Variants in SPAG17 observed in about 807,000 individuals in gnomAD.
SPAG17 encodes sperm associated antigen 17.
In SPAG17, 169 loss-of-function variants were observed where a neutral mutation model predicts 273.6. That is an observed-to-expected ratio of 0.62 (90% confidence interval 0.55 to 0.70). SPAG17 has a LOEUF of 0.70. Among genes scored for constraint, SPAG17 ranks in the 30% least tolerant of loss-of-function variants. The pLI, the probability that SPAG17 is intolerant of heterozygous loss-of-function variation, is 0.00. For synonymous variants in SPAG17, 825 were observed against 873.2 expected, an observed-to-expected ratio of 0.94 and a Z score of 0.97; for missense variants, 2,557 against 2,627.8, an observed-to-expected ratio of 0.97 and a Z score of 0.59.
intron 1 of SPAG17, among the ~76,000 whole-genome samples, chr1:118,173,799 G>A (rs1660535778): frequency 6.6e-6 from 1 of 150,474 alleles, no homozygotes; most frequent in South Asian, 2.1e-4. Flanking sequence ...GGTCAAGGCT[G>A]CAGTGAGCCA....
At chr1:118,144,671 G>T (rs1658873309) in intron 3 of SPAG17, among the ~76,000 whole-genome samples, 1 of 152,196 alleles carries the variant, frequency 6.6e-6, no homozygotes, top group African/African-American at 2.4e-5. Context: ...CCGAGGCCCT[G>T]GTGTGGGCCA....
chr1:118,142,700 C>T (rs1365950731), intron 3 of SPAG17, among the ~76,000 whole-genome samples: 5 of 152,030 alleles, frequency 3.3e-5, no homozygotes, highest in South Asian at 2.1e-4. Flanking sequence ...CTATCATTTA[C>T]GAGGATTTTA....
chr1:118,143,823 C>T (rs1658816430), intron 3 of SPAG17, among the ~76,000 whole-genome samples: 1 of 152,160 alleles, frequency 6.6e-6, no homozygotes, highest in Admixed American at 6.5e-5. Flanking sequence ...GATGACTTCT[C>T]TTCATTAGCT....
chr1:117,958,144 A>C (rs74114934), intron 48 of SPAG17, among the ~76,000 whole-genome samples: 3,600 of 152,280 alleles, frequency 0.024, 140 homozygotes, highest in African/African-American at 0.08. Flanking sequence ...GCCAATGCCA[A>C]ATAGTTAAAC....
rs536516306 is a variant in SPAG17, at chr1:118,083,513, G to A, written c.1763-1871C>T. 7.9e-5 allele frequency among the ~76,000 whole-genome samples: 12 copies of A among 152,068 alleles called. No individual in the cohort carries two copies. The East Asian group carries it at 9.7e-4, about 12-fold the overall frequency. The stretch of plus-strand genomic sequence containing the variant: ...GAGAAAACAGAGACAGCGGTGGGGC[G>A]CGGTGGCTCGCTCCTGTAATCCCAG... On this transcript the variant is annotated intron_variant, in intron 13 of 48. Transcript: ENST00000336338.
intron 19 of SPAG17, among the ~76,000 whole-genome samples, chr1:118,054,656 G>A (rs1320518915): frequency 6.6e-6 from 1 of 151,938 alleles, no homozygotes; most frequent in Non-Finnish European, 1.5e-5. Flanking sequence ...GGGAGGTGTG[G>A]CCCTAGACAT....
chr1:117,994,461 G>A lies in SPAG17; in HGVS notation c.5123C>T (p.Thr1708Ile). The change falls in exon 35 of 49, where the codon ACA becomes ATA. Residue 1708 changes from threonine to isoleucine, a missense_variant. Physicochemically the swap from Thr to Ile is moderately conservative, Grantham distance 89. Coordinates refer to ENST00000336338, the MANE Select transcript of SPAG17 (RefSeq NM_206996.4). Reference sequence around the variant, plus strand: ...TGACCGGAGATTAGGAGGGACAATTGTATCTTCCTTTTTTACTTGCCATGG... The same window carrying A: ...TGACCGGAGATTAGGAGGGACAATTATATCTTCCTTTTTTACTTGCCATGG... ...ASPWQVKKED[T>I]IVPPNLRSRS... 1 of 1,612,950 alleles carries A rather than the reference G, an allele frequency of 6.2e-7. No homozygotes were observed. Among genetic ancestry groups the A allele is most frequent in the Non-Finnish European group, 8.5e-7 (1 of 1,179,242 alleles).
chr1:118,093,762 C>T (rs1655537403), intron 7 of SPAG17, among the ~76,000 whole-genome samples: 1 of 151,734 alleles, frequency 6.6e-6, no homozygotes, highest in South Asian at 2.1e-4. Flanking sequence ...TGTGGATCAT[C>T]TACCCAAGTA....
chr1:118,168,752 G>GA lies in SPAG17; in HGVS notation c.87+16318dup, dbSNP rs547356694. ...GTAACAATCATTGAAGTAGTTTAGT[G>GA]AAAGCAGGGATGTCAGTGAGGGCCC... On this transcript the variant is annotated intron_variant, in intron 1 of 48. Coordinates refer to ENST00000336338, the MANE Select transcript of SPAG17 (RefSeq NM_206996.4). Among the ~76,000 whole-genome samples, 49 of 152,272 alleles carry GA rather than the reference G, an allele frequency of 3.2e-4. No individual in the cohort carries two copies. The South Asian group carries it at 9.4e-3, about 29-fold the overall frequency.
At chr1:118,141,306 C>G (rs1658666914) in intron 3 of SPAG17, among the ~76,000 whole-genome samples, 1 of 152,180 alleles carries the variant, frequency 6.6e-6, no homozygotes, top group South Asian at 2.1e-4. Context: ...TAGTCATTGA[C>G]TATCATTTGA....
At chr1:118,130,228 G>T (rs1357587261) in intron 3 of SPAG17, among the ~76,000 whole-genome samples, 2 of 152,068 alleles carry the variant, frequency 1.3e-5, no homozygotes. Context: ...GTTTCCCATA[G>T]GACAGTTTTC....
At chr1:118,178,891 A>G (rs1265540877) in intron 1 of SPAG17, among the ~76,000 whole-genome samples, 1 of 152,058 alleles carries the variant, frequency 6.6e-6, no homozygotes. Flanking sequence ...AATCAATTTT[A>G]TCAAAGAAAT....
chr1:118,015,896 C>G, intron 29 of SPAG17, 69 bp downstream of exon 29: 1 of 1,357,234 alleles, frequency 7.4e-7, no homozygotes, highest in Non-Finnish European at 1.0e-6. Flanking sequence ...CAGCTAGGCA[C>G]TCTTTTGGGT....
At chr1:118,000,166 T>G (rs1357275735) in intron 32 of SPAG17, among the ~76,000 whole-genome samples, 1 of 152,218 alleles carries the variant, frequency 6.6e-6, no homozygotes, top group Non-Finnish European at 1.5e-5. Flanking sequence ...GCCTCTGTCC[T>G]GTTCCATTGG....
chr1:118,084,376 C>T (rs1265179653), intron 13 of SPAG17, among the ~76,000 whole-genome samples: 1 of 152,170 alleles, frequency 6.6e-6, no homozygotes, highest in Non-Finnish European at 1.5e-5. Flanking sequence ...CTTTTCTTTT[C>T]TAGGTCAAAT....
chr1:117,996,450 C>G lies in SPAG17; in HGVS notation c.4973G>C (p.Ser1658Thr). Residue 1658 changes from serine to threonine, a missense_variant, in exon 34 of 49, where the codon AGT becomes ACT. Transcript: ENST00000336338. The stretch of plus-strand genomic sequence containing the variant: ...CAAAGATAGATATTCTTCTATGTCA[C>G]TGTCTCGAAGAAGTTCCATTCCTGA... ...DGSGMELLRDSDIEEYLSLAY... is the reference protein window; with the variant it reads ...DGSGMELLRDTDIEEYLSLAY... 6.2e-7 allele frequency: 1 copy of G among 1,613,014 alleles called. No individual in the cohort carries two copies. Among genetic ancestry groups the G allele is most frequent in the Non-Finnish European group, 8.5e-7 (1 of 1,179,338 alleles).
chr1:117,974,512 T>C (rs1397216352), intron 43 of SPAG17, among the ~76,000 whole-genome samples: 1 of 151,406 alleles, frequency 6.6e-6, no homozygotes, highest in Non-Finnish European at 1.5e-5. Context: ...TCTGAAAGAT[T>C]TATTAAAACT....
intron 48 of SPAG17, chr1:117,956,932 T>A: frequency 3.1e-6 from 2 of 647,962 alleles, no homozygotes; most frequent in South Asian, 6.9e-5. Flanking sequence ...AGCTTACAGA[T>A]GAATATTTAA....
intron 3 of SPAG17, among the ~76,000 whole-genome samples, chr1:118,141,338 C>T (rs556359788): frequency 3.3e-5 from 5 of 152,276 alleles, no homozygotes; most frequent in African/African-American, 1.2e-4. Context: ...AAGCTATGTA[C>T]CACCTGTACT....
Sources: gnomAD v4.1 joint callset for allele counts (sites outside exome capture counted in the v4.1 genomes callset) on GRCh38, gnomAD v4.1.1 for gene constraint, MANE v1.5 for transcripts, NCBI Gene and HGNC (gene_info 2026-07-23, HGNC 2026-07-21) for gene names.